Variants in GRID2 observed in about 807,000 individuals in gnomAD.
GRID2 encodes the protein glutamate receptor ionotropic, delta-2.
A neutral mutation model predicts 114.8 loss-of-function variants in GRID2; 33 were observed. That is an observed-to-expected ratio of 0.29 (90% CI 0.22 to 0.38). The LOEUF is 0.38. Among genes scored for constraint, GRID2 ranks in the 10% least tolerant of loss-of-function variants. The pLI is 1.00. For missense variants in GRID2, 1,184 were observed against 1,257.7 expected (o/e 0.94, Z 0.89); for synonymous variants, 505 against 449.9 (o/e 1.12, Z -1.55).
At chr4:93,273,693 G>C (rs1751748755) in intron 8 of GRID2, among the ~76,000 whole-genome samples, 1 of 152,102 alleles carries the variant, frequency 6.6e-6, no homozygotes, top group South Asian at 2.1e-4. Context: ...TGTGCCCTAA[G>C]AAAGACAGGC....
intron 2 of GRID2, among the ~76,000 whole-genome samples, chr4:92,904,016 C>A: frequency 6.6e-6 from 1 of 151,846 alleles, no homozygotes; most frequent in East Asian, 1.9e-4. Flanking sequence ...AATGCAGTTT[C>A]TTTTCTTATT....
chr4:93,691,291 A>C (rs1003265215), intron 14 of GRID2, among the ~76,000 whole-genome samples: 1 of 152,018 alleles, frequency 6.6e-6, no homozygotes, highest in African/African-American at 2.4e-5. Flanking sequence ...TTGGTTTCCT[A>C]TTTTCTTGAA....
At chr4:93,808,725 A>C (rs561678833) in exon 2 of GRID2, 2 of 152,328 alleles carry the variant, frequency 1.3e-5, no homozygotes, top group South Asian at 4.1e-4. Context: ...CTCTTGATGG[A>C]CAGTTGTCCA....
chr4:92,704,727 C>CTCTCTCTCTCTCTCTCTT (rs1579878641), intron 2 of GRID2, among the ~76,000 whole-genome samples: 2 of 145,384 alleles, frequency 1.4e-5, no homozygotes, highest in South Asian at 2.2e-4. Flanking sequence ...CTCTCTTTCT[C>CTCTCTCTCTCTCTCTCTT]TCTCTCTCTC....
At chr4:92,484,700 G>A (rs1478078422) in intron 1 of GRID2, among the ~76,000 whole-genome samples, 1 of 151,944 alleles carries the variant, frequency 6.6e-6, no homozygotes, top group Non-Finnish European at 1.5e-5. Flanking sequence ...TAAAAATTCT[G>A]GGTCTAGTTC....
At chr4:92,760,043 C>A (rs1205217374) in intron 2 of GRID2, among the ~76,000 whole-genome samples, 11 of 150,900 alleles carry the variant, frequency 7.3e-5, no homozygotes, top group African/African-American at 2.7e-4. Flanking sequence ...AGTTCGAGAC[C>A]AGCCTGTCCA....
intron 7 of GRID2, among the ~76,000 whole-genome samples, chr4:93,231,284 C>T (rs1746104071): frequency 6.6e-6 from 1 of 150,502 alleles, no homozygotes; most frequent in Admixed American, 6.7e-5. Flanking sequence ...TTCAACAGGG[C>T]ACTTCATTCA....
At chr4:92,779,365 A>G (rs2149357598) in intron 2 of GRID2, among the ~76,000 whole-genome samples, 1 of 152,218 alleles carries the variant, frequency 6.6e-6, no homozygotes, top group Middle Eastern at 3.4e-3. Flanking sequence ...CTTTATGTAA[A>G]TAATATTTTG....
chr4:93,681,760 G>C (rs13137066), intron 14 of GRID2, among the ~76,000 whole-genome samples: 4 of 151,880 alleles, frequency 2.6e-5, no homozygotes, highest in African/African-American at 9.7e-5. Context: ...CCTTCCTTAC[G>C]TCTTATACAA....
At position 93,346,156 on chromosome 4, in the gene GRID2, T is replaced by C. The variant is rs113906964; in HGVS notation, c.1246-49451T>C. On this transcript the variant is annotated intron_variant, in intron 8 of 15. Coordinates refer to ENST00000282020, the MANE Select transcript of GRID2 (RefSeq NM_001510.4). The stretch of plus-strand genomic sequence containing the variant: ...GGTCTCCATGCAAATTTTAGGATTA[T>C]TTTTCTTTTTTCTGTAGTTACCTTG... Among the ~76,000 whole-genome samples the C allele has an allele frequency of 2.8e-3, 422 of 152,288 alleles. 2 individuals carry two copies. The highest frequency in any genetic ancestry group is 9.7e-3 in the African/African-American group (404 of 41,574).
At chr4:92,600,044 G>GTATATATA (rs70942915) in intron 2 of GRID2, among the ~76,000 whole-genome samples, 745 of 54,314 alleles carry the variant, frequency 0.014, 23 homozygotes, top group Non-Finnish European at 0.018. Context: ...GTGTGTGTGT[G>GTATATATA]TATATATATA....
chr4:93,766,107 T>TGAC (rs1394603832), intron 14 of GRID2, among the ~76,000 whole-genome samples: 3 of 152,300 alleles, frequency 2.0e-5, no homozygotes, highest in African/African-American at 7.2e-5. Flanking sequence ...ATATGGAGGA[T>TGAC]GAGTACACAC....
At chr4:93,369,144 A>G (rs774665444) in intron 8 of GRID2, among the ~76,000 whole-genome samples, 11 of 152,100 alleles carry the variant, frequency 7.2e-5, no homozygotes, top group African/African-American at 9.7e-5. Flanking sequence ...CTCCCCCTAA[A>G]GGCTTTGGGG....
At chr4:93,265,458 G>A (rs973614122) in intron 8 of GRID2, among the ~76,000 whole-genome samples, 1 of 152,020 alleles carries the variant, frequency 6.6e-6, no homozygotes, top group Non-Finnish European at 1.5e-5. Context: ...CCTTACTTAA[G>A]GTCATTGCTG....
intron 8 of GRID2, among the ~76,000 whole-genome samples, chr4:93,254,893 T>C (rs1259993859): frequency 1.3e-5 from 2 of 152,164 alleles, no homozygotes; most frequent in Non-Finnish European, 2.9e-5. Flanking sequence ...TCCAACGTGA[T>C]TTTTATTTAT....
intron 2 of GRID2, among the ~76,000 whole-genome samples, chr4:92,942,086 T>C (rs1223158622): frequency 6.6e-6 from 1 of 152,176 alleles, no homozygotes; most frequent in Admixed American, 6.6e-5. Context: ...ATATTAGGTC[T>C]ACTTGGTGCA....
intron 2 of GRID2, among the ~76,000 whole-genome samples, chr4:92,631,478 T>G (rs1208807154): frequency 6.6e-6 from 1 of 152,178 alleles, no homozygotes; most frequent in African/African-American, 2.4e-5. Context: ...GTACAAATGA[T>G]ACTTCTCTTA....
At chr4:92,330,412 G>A (rs148383453) in intron 1 of GRID2, among the ~76,000 whole-genome samples, 11 of 152,148 alleles carry the variant, frequency 7.2e-5, no homozygotes, top group Non-Finnish European at 1.2e-4. Context: ...CTGTACAAGC[G>A]TGTCTCACTT....
intron 14 of GRID2, among the ~76,000 whole-genome samples, chr4:93,749,372 A>AGAAGT (rs1417648096): frequency 6.6e-6 from 1 of 152,210 alleles, no homozygotes; most frequent in Non-Finnish European, 1.5e-5. Flanking sequence ...GGAAGGAGAC[A>AGAAGT]GAAGTGTTGC....
Sources: allele counts gnomAD v4.1 joint callset (sites outside exome capture counted in the v4.1 genomes callset), GRCh38; gene constraint gnomAD v4.1.1; transcripts MANE v1.5; gene names NCBI Gene and HGNC (gene_info 2026-07-23, HGNC 2026-07-21).